CFAP299: variants seen among roughly 807,000 people sequenced by gnomAD.
The protein encoded by CFAP299 is cilia- and flagella-associated protein 299.
A neutral mutation model predicts 27.0 loss-of-function variants in CFAP299; 21 were observed. The ratio of observed to expected loss-of-function variants is 0.78; its 90% confidence interval spans 0.55 to 1.12. The LOEUF (loss-of-function observed/expected upper bound fraction) is 1.12, where lower values mean the gene tolerates loss of function less well. Among genes scored for constraint, CFAP299 ranks in the 50% most tolerant of loss-of-function variants. The pLI, the probability that CFAP299 is intolerant of heterozygous loss-of-function variation, is 0.00. For missense variants in CFAP299, 310 were observed against 276.6 expected, an observed-to-expected ratio of 1.12 and a Z score of -0.86; for synonymous variants, 104 against 98.1, an observed-to-expected ratio of 1.06 and a Z score of -0.36.
At chr4:80,575,714 G>A (rs896323391) in intron 2 of CFAP299, among the ~76,000 whole-genome samples, 11 of 151,828 alleles carry the variant, frequency 7.2e-5, no homozygotes, top group African/African-American at 2.7e-4. Context: ...AGTTTTTAAA[G>A]ATGCATCATT....
intron 2 of CFAP299, among the ~76,000 whole-genome samples, chr4:80,565,377 C>G (rs1735227777): frequency 6.6e-6 from 1 of 151,844 alleles, no homozygotes; most frequent in Admixed American, 6.6e-5. Flanking sequence ...AAGGTCAAGG[C>G]AAACATGTAT....
At chr4:80,689,760 G>A (rs1025796887) in intron 3 of CFAP299, among the ~76,000 whole-genome samples, 4 of 152,158 alleles carry the variant, frequency 2.6e-5, no homozygotes, top group African/African-American at 9.7e-5. Flanking sequence ...ATTGGATAAG[G>A]AGTCAAGACC....
chr4:80,626,941 T>G (rs1161284941), intron 3 of CFAP299, among the ~76,000 whole-genome samples: 1 of 151,722 alleles, frequency 6.6e-6, no homozygotes, highest in Non-Finnish European at 1.5e-5. Flanking sequence ...AAATTTTGCT[T>G]AACTCTTCCA....
chr4:80,796,729 C>A (rs372045260), intron 3 of CFAP299, among the ~76,000 whole-genome samples: 2 of 152,134 alleles, frequency 1.3e-5, no homozygotes, highest in East Asian at 3.9e-4. Flanking sequence ...GGAGTCAACA[C>A]TCCTGCATCT....
chr4:80,662,379 C>G (rs1321108463), intron 3 of CFAP299, among the ~76,000 whole-genome samples: 1 of 146,936 alleles, frequency 6.8e-6, no homozygotes, highest in Admixed American at 7.0e-5. Flanking sequence ...TGGAAAAGAA[C>G]CTATGTGAAA....
rs143808218 is a variant in CFAP299, at chr4:80,391,130, G to C, written c.242+28246G>C. The stretch of plus-strand genomic sequence containing the variant: ...TTCTTTATGCATTCATCTATTGATG[G>C]ACACTTAGGTTGATTCTATATCTTG... On this transcript the variant is annotated intron_variant, in intron 2 of 5. Transcript: ENST00000358105. Among the ~76,000 whole-genome samples the C allele has an allele frequency of 6.2e-3, 937 of 151,950 alleles. 2 individuals carry two copies. The highest frequency in any genetic ancestry group is 0.024 in the Middle Eastern group (7 of 290).
intron 3 of CFAP299, among the ~76,000 whole-genome samples, chr4:80,699,702 C>T (rs1376567267): frequency 6.6e-6 from 1 of 152,142 alleles, no homozygotes; most frequent in African/African-American, 2.4e-5. Flanking sequence ...CCCTCTAAGT[C>T]TTCTGCTCAA....
intron 2 of CFAP299, among the ~76,000 whole-genome samples, chr4:80,490,103 T>G (rs1481487673): frequency 6.6e-6 from 1 of 152,188 alleles, no homozygotes; most frequent in African/African-American, 2.4e-5. Context: ...GCTTCAGATA[T>G]TAATTGTCCT....
At chr4:80,719,190 T>C (rs957812719) in intron 3 of CFAP299, among the ~76,000 whole-genome samples, 3 of 152,108 alleles carry the variant, frequency 2.0e-5, no homozygotes, top group African/African-American at 7.2e-5. Context: ...TGTCAGATAC[T>C]AAGTTTAGTA....
At chr4:80,899,479 G>A (rs1734777147) in intron 4 of CFAP299, among the ~76,000 whole-genome samples, 1 of 152,096 alleles carries the variant, frequency 6.6e-6, no homozygotes, top group Admixed American at 6.6e-5. Flanking sequence ...CAGCATAAAA[G>A]GAAACGTAGA....
At chr4:80,700,532 G>A (rs962575511) in intron 3 of CFAP299, among the ~76,000 whole-genome samples, 1 of 152,048 alleles carries the variant, frequency 6.6e-6, no homozygotes, top group African/African-American at 2.4e-5. Context: ...GGCCACTCGT[G>A]TATCTAAGTA....
intron 4 of CFAP299, among the ~76,000 whole-genome samples, chr4:80,917,773 C>T (rs1294876161): frequency 1.3e-5 from 2 of 152,076 alleles, no homozygotes; most frequent in Non-Finnish European, 2.9e-5. Flanking sequence ...TTGTTCATTT[C>T]ATGAAAAAGA....
At chr4:80,839,073 C>T (rs141204696) in intron 3 of CFAP299, among the ~76,000 whole-genome samples, 287 of 152,222 alleles carry the variant, frequency 1.9e-3, no homozygotes, top group African/African-American at 6.7e-3. Context: ...TCCTCAGCTG[C>T]CTTGAATTGT....
chr4:80,855,382 A>G (rs1168169285), intron 3 of CFAP299, among the ~76,000 whole-genome samples: 2 of 151,646 alleles, frequency 1.3e-5, no homozygotes, highest in African/African-American at 4.8e-5. Flanking sequence ...ATTCTTTTTT[A>G]TCTTATTTTC....
At chr4:80,769,823 T>C (rs772953457) in intron 3 of CFAP299, among the ~76,000 whole-genome samples, 5 of 152,320 alleles carry the variant, frequency 3.3e-5, no homozygotes, top group South Asian at 4.1e-4. Context: ...TATCTGAGGA[T>C]TGGGTCCTCT....
At chr4:80,774,985 G>A (rs1726440532) in intron 3 of CFAP299, among the ~76,000 whole-genome samples, 1 of 151,566 alleles carries the variant, frequency 6.6e-6, no homozygotes, top group South Asian at 2.1e-4. Flanking sequence ...CAGCGCACCA[G>A]CATGGCATAT....
At chr4:80,904,309 C>G (rs1231929996) in intron 4 of CFAP299, among the ~76,000 whole-genome samples, 1 of 152,098 alleles carries the variant, frequency 6.6e-6, no homozygotes, top group Non-Finnish European at 1.5e-5. Flanking sequence ...AGTTTCAACT[C>G]TTCTTAGAAA....
intron 3 of CFAP299, among the ~76,000 whole-genome samples, chr4:80,612,415 A>G (rs1738031917): frequency 6.6e-6 from 1 of 152,056 alleles, no homozygotes; most frequent in Admixed American, 6.6e-5. Context: ...GTTTTTTTCT[A>G]TCAAATGGGT....
At chr4:80,582,840 T>G (rs1267692279) in intron 2 of CFAP299, among the ~76,000 whole-genome samples, 5 of 151,874 alleles carry the variant, frequency 3.3e-5, no homozygotes, top group Admixed American at 3.3e-4. Context: ...GAAATGGGCA[T>G]GTAAATGAAA....
Sources: allele counts gnomAD v4.1 joint callset (sites outside exome capture counted in the v4.1 genomes callset), GRCh38; gene constraint gnomAD v4.1.1; transcripts MANE v1.5; gene names NCBI Gene and HGNC (gene_info 2026-07-23, HGNC 2026-07-21).